TPO: variants seen among roughly 807,000 people sequenced by gnomAD.
The protein encoded by TPO is thyroid microsomal antigen.
Under a neutral mutation model 96.9 loss-of-function variants are expected in TPO, and 78 were observed. The ratio of observed to expected loss-of-function variants is 0.81; its 90% CI spans 0.67 to 0.97. TPO has a LOEUF of 0.97. Among genes scored for constraint, TPO ranks in the 50% least tolerant of loss-of-function variants. The pLI is 0.00. For synonymous variants in TPO, 547 were observed against 538.0 expected, an observed-to-expected ratio of 1.02 and a Z score of -0.23; for missense variants, 1,252 against 1,274.8, an observed-to-expected ratio of 0.98 and a Z score of 0.27.
intron 1 of TPO, among the ~76,000 whole-genome samples, chr2:1,390,111 C>T (rs1052178266): frequency 6.6e-6 from 1 of 151,760 alleles, no homozygotes; most frequent in Non-Finnish European, 1.5e-5. Context: ...TGTTCGTTTG[C>T]CACACCTATC....
chr2:1,404,274 C>T (rs1464176224), intron 1 of TPO, among the ~76,000 whole-genome samples: 1 of 152,106 alleles, frequency 6.6e-6, no homozygotes, highest in Admixed American at 6.5e-5. Flanking sequence ...TCTCCTTAGC[C>T]AATTGTGGTA....
chr2:1,499,788 C>G (rs1672696008), intron 13 of TPO, among the ~76,000 whole-genome samples: 1 of 152,234 alleles, frequency 6.6e-6, no homozygotes, highest in Admixed American at 6.5e-5. Flanking sequence ...TTGGGCCCAA[C>G]TTCATGTTCT....
At chr2:1,523,012 T>TCC (rs141494697) in intron 15 of TPO, among the ~76,000 whole-genome samples, 1 of 91,726 alleles carries the variant, frequency 1.1e-5, no homozygotes, top group Admixed American at 1.4e-4. Context: ...ACTCCCCAGA[T>TCC]CCCCCCAACT....
At chr2:1,374,296 C>A (rs1439996012) in exon 1 of TPO, 1 of 152,242 alleles carries the variant, frequency 6.6e-6, no homozygotes, top group Non-Finnish European at 1.5e-5. Flanking sequence ...TCGGTCGGTG[C>A]CGGAATCCTT....
At chr2:1,487,071 A>G (rs116793228) in intron 9 of TPO, among the ~76,000 whole-genome samples, 2,117 of 152,256 alleles carry the variant, frequency 0.014, 54 homozygotes, top group African/African-American at 0.049. Context: ...ACCGACCCTG[A>G]CAGGCCGTGG....
intron 14 of TPO, among the ~76,000 whole-genome samples, chr2:1,516,128 C>T (rs879336480): frequency 6.6e-5 from 10 of 152,144 alleles, no homozygotes; most frequent in Non-Finnish European, 1.2e-4. Context: ...ACTCAGTCCC[C>T]GGCTTTTTCA....
intron 15 of TPO, among the ~76,000 whole-genome samples, chr2:1,528,398 C>G (rs1171490881): frequency 5.0e-5 from 7 of 139,074 alleles, no homozygotes; most frequent in African/African-American, 1.9e-4. Context: ...CTGTGTGCAA[C>G]CTCCTCAAAT....
At chr2:1,417,947 A>G (rs1027816095) in intron 2 of TPO, among the ~76,000 whole-genome samples, 1 of 132,780 alleles carries the variant, frequency 7.5e-6, no homozygotes, top group African/African-American at 2.9e-5. Context: ...CTGCAATCCC[A>G]ACACAGTATT....
At chr2:1,401,882 C>T (rs1268786508) in intron 1 of TPO, among the ~76,000 whole-genome samples, 1 of 152,118 alleles carries the variant, frequency 6.6e-6, no homozygotes, top group Non-Finnish European at 1.5e-5. Context: ...AACTGTGGGT[C>T]CAAGGGTATA....
At chr2:1,469,161 C>T (rs1297610996) in intron 7 of TPO, among the ~76,000 whole-genome samples, 4 of 152,164 alleles carry the variant, frequency 2.6e-5, no homozygotes, top group African/African-American at 9.7e-5. Context: ...TTCTCTGGTG[C>T]CTTCCTGATT....
chr2:1,502,289 C>T (rs1169846557), intron 13 of TPO, among the ~76,000 whole-genome samples: 3 of 152,144 alleles, frequency 2.0e-5, no homozygotes, highest in Non-Finnish European at 4.4e-5. Flanking sequence ...GACATGGTTA[C>T]CTGTACATGA....
intron 2 of TPO, among the ~76,000 whole-genome samples, chr2:1,415,878 A>G (rs539537893): frequency 3.3e-5 from 5 of 152,132 alleles, no homozygotes; most frequent in South Asian, 4.1e-4. Context: ...GGACTTCACA[A>G]CCATATTAGG....
chr2:1,389,397 A>G (rs74593245), intron 1 of TPO, among the ~76,000 whole-genome samples: 2,056 of 152,340 alleles, frequency 0.013, 17 homozygotes, highest in Admixed American at 0.021. Context: ...AGTCATGTTC[A>G]GAGACAAGAG....
chr2:1,528,160 C>G (rs1404975887), intron 15 of TPO, among the ~76,000 whole-genome samples: 1 of 143,428 alleles, frequency 7.0e-6, no homozygotes, highest in Non-Finnish European at 1.5e-5. Context: ...CCAACCAAAT[C>G]TCACCCACTG....
rs115811871 is a variant in TPO, at chr2:1,472,974, T to C, written c.820-4112T>C. Among the ~76,000 whole-genome samples, 610 of 152,306 alleles carry C rather than the reference T, an allele frequency of 4.0e-3. 4 individuals are homozygous for C. Among genetic ancestry groups the C allele is most frequent in the Non-Finnish European group, 5.1e-3 (349 of 68,014 alleles). On this transcript the variant is annotated intron_variant, in intron 7 of 16. Coordinates refer to ENST00000329066, the MANE Select transcript of TPO (RefSeq NM_001206744.2). ...ATTTGTTCAACGAATGATCTGTTCA[T>C]AGCCTTTGTCCATTTTTCTACTATT...
At chr2:1,515,792 C>T (rs1318126831) in intron 14 of TPO, among the ~76,000 whole-genome samples, 1 of 152,130 alleles carries the variant, frequency 6.6e-6, no homozygotes, top group African/African-American at 2.4e-5. Flanking sequence ...AGCACCCATT[C>T]CCCCAGCCGC....
At chr2:1,388,459 C>CTGCT (rs1350190599) in intron 1 of TPO, among the ~76,000 whole-genome samples, 1 of 152,204 alleles carries the variant, frequency 6.6e-6, no homozygotes, top group Non-Finnish European at 1.5e-5. Flanking sequence ...GGATCTCAGA[C>CTGCT]TGCTGTGTTA....
At chr2:1,461,599 T>C (rs1434473072) in intron 7 of TPO, among the ~76,000 whole-genome samples, 1 of 152,096 alleles carries the variant, frequency 6.6e-6, no homozygotes, top group African/African-American at 2.4e-5. Context: ...CGGGCATAAA[T>C]ATACCCACAG....
At chr2:1,532,102 C>T (rs72776268) in intron 15 of TPO, among the ~76,000 whole-genome samples, 7,585 of 103,296 alleles carry the variant, frequency 0.073, 765 homozygotes, top group Non-Finnish European at 0.092. Context: ...TGTGTGCAAC[C>T]CCCACAAATC....
Sources: allele counts gnomAD v4.1 joint callset (sites outside exome capture counted in the v4.1 genomes callset), GRCh38; gene constraint gnomAD v4.1.1; transcripts MANE v1.5; gene names NCBI Gene and HGNC (gene_info 2026-07-23, HGNC 2026-07-21).